ABCA8: variants seen among roughly 807,000 people sequenced by gnomAD.
ABCA8 encodes ABC-type organic anion transporter ABCA8.
A neutral mutation model predicts 192.3 loss-of-function variants in ABCA8; 177 were observed. The ratio of observed to expected loss-of-function variants is 0.92; its 90% CI spans 0.81 to 1.04. ABCA8 has a LOEUF of 1.04. Among genes scored for constraint, ABCA8 ranks in the 50% least tolerant of loss-of-function variants. The pLI is 0.00. For synonymous variants in ABCA8, 642 were observed against 690.2 expected, an observed-to-expected ratio of 0.93 and a Z score of 1.09; for missense variants, 1,915 against 1,904.8, an observed-to-expected ratio of 1.01 and a Z score of -0.10.
intron 19 of ABCA8, among the ~76,000 whole-genome samples, chr17:68,904,653 A>G (rs1180512842): frequency 6.6e-6 from 1 of 152,218 alleles, no homozygotes; most frequent in East Asian, 1.9e-4. Flanking sequence ...GGGGTACCTA[A>G]GTCACAAAAC....
intron 26 of ABCA8, 112 bp from the exon 27 acceptor site, chr17:68,885,427 G>A: frequency 9.4e-7 from 1 of 1,062,844 alleles, no homozygotes; most frequent in South Asian, 1.7e-5. Flanking sequence ...TGCAAACCAA[G>A]CTGAAATCAG....
At chr17:68,896,486 G>A (rs893064656) in intron 21 of ABCA8, among the ~76,000 whole-genome samples, 4 of 151,968 alleles carry the variant, frequency 2.6e-5, no homozygotes, top group African/African-American at 9.7e-5. Context: ...GTTTTAAATC[G>A]CATGGTATTC....
chr17:68,884,971 A>C, intron 27 of ABCA8: 1 of 644,860 alleles, frequency 1.6e-6, no homozygotes, highest in Non-Finnish European at 1.9e-6. Flanking sequence ...GTTTCCCACT[A>C]CCCCTTACCC....
chr17:68,908,192 G>A (rs1192931875), intron 17 of ABCA8, among the ~76,000 whole-genome samples: 1 of 152,086 alleles, frequency 6.6e-6, no homozygotes, highest in East Asian at 1.9e-4. Flanking sequence ...GTCACAGAGT[G>A]GAAAATACCA....
chr17:68,902,755 G>C lies in ABCA8; in HGVS notation c.2722C>G (p.Pro908Ala), dbSNP rs1468292400. The C allele has an allele frequency of 6.2e-7, 1 of 1,613,612 alleles. No individual in the cohort carries two copies. The highest frequency in any genetic ancestry group is 8.5e-7 in the Non-Finnish European group (1 of 1,179,708). The change falls in exon 21 of 40, where the codon CCA (proline) becomes GCA (alanine). Residue 908 changes from proline (P) to alanine (A), a missense_variant. By Grantham distance (27) the Pro-to-Ala change is conservative. Coordinates refer to ENST00000586539, the MANE Select transcript of ABCA8 (RefSeq NM_001288985.2). ...HLYFLAPGQQ[P>A]HDPLTQLLII... ...AGTAGTTGAGTGAGAGGGTCATGTG[G>C]TTGTTGTCCAGGAGCAAGGAAATAC... is the stretch of plus-strand genomic sequence containing the variant.
At chr17:68,917,051 C>T (rs2067388325) in intron 17 of ABCA8, among the ~76,000 whole-genome samples, 1 of 151,990 alleles carries the variant, frequency 6.6e-6, no homozygotes, top group South Asian at 2.1e-4. Context: ...GGGCGGATCA[C>T]GAGGTCAGGA....
At chr17:68,918,227 T>C in intron 15 of ABCA8, 42 bp from the exon 16 acceptor site, 1 of 1,609,248 alleles carries the variant, frequency 6.2e-7, no homozygotes, top group Non-Finnish European at 8.5e-7. Flanking sequence ...TCCTCAAAGG[T>C]GAAGTTCTTC....
At chr17:68,900,949 G>C (rs2066894108) in intron 21 of ABCA8, among the ~76,000 whole-genome samples, 1 of 151,594 alleles carries the variant, frequency 6.6e-6, no homozygotes, top group Non-Finnish European at 1.5e-5. Flanking sequence ...CACTTCAGCA[G>C]TATTCTTTGT....
At chr17:68,924,511 G>A (rs182123916) in intron 11 of ABCA8, among the ~76,000 whole-genome samples, 190 bp downstream of exon 11, 194 of 152,164 alleles carry the variant, frequency 1.3e-3, no homozygotes, top group Non-Finnish European at 1.6e-3. Flanking sequence ...TGTAAATGTC[G>A]ACAATGTTAG....
chr17:68,877,725 CTTT>C (rs757353167), intron 32 of ABCA8, 46 bp from the exon 33 acceptor site: 1 of 1,545,446 alleles, frequency 6.5e-7, no homozygotes, highest in African/African-American at 1.4e-5. Context: ...TGCACTGCTT[CTTT>C]GAGTATTTCC....
chr17:68,941,032 T>C (rs2068215676), intron 3 of ABCA8, 70 bp from the exon 4 acceptor site: 6 of 1,289,758 alleles, frequency 4.7e-6, no homozygotes, highest in Non-Finnish European at 6.5e-6. Context: ...CATTTTGTCA[T>C]AAAGTTTGCC....
Position 68,933,194 on chromosome 17 carries a change from C to T in ABCA8, c.544G>A (p.Ala182Thr), listed in dbSNP as rs745682047. 145 of 1,612,650 alleles carry T rather than the reference C, an allele frequency of 9.0e-5. No homozygotes were observed. The highest frequency in any genetic ancestry group is 1.2e-4 in the Non-Finnish European group (138 of 1,179,244). ...FWKEGFVALQ[A>T]AINAAIIEIT... is the part of the protein sequence containing the mutation. ...TCTATAATAGCAGCATTAATGGCAG[C>T]TTGAAGAGCCACAAAACCTTCCTTC... Residue 182 changes from alanine (A) to threonine (T), a missense_variant, in exon 6 of 40, where the codon GCT becomes ACT. By Grantham distance (58) the Ala-to-Thr change is moderately conservative (BLOSUM62 0). Coordinates refer to ENST00000586539, the MANE Select transcript of ABCA8 (RefSeq NM_001288985.2).
At chr17:68,878,972 A>G (rs1350074081) in intron 32 of ABCA8, 2 of 152,226 alleles carry the variant, frequency 1.3e-5, no homozygotes, top group Non-Finnish European at 2.9e-5. Context: ...TCTGTTCTGT[A>G]CTTCCCTTGG....
At chr17:68,901,536 G>A (rs1005389772) in intron 21 of ABCA8, among the ~76,000 whole-genome samples, 7 of 152,122 alleles carry the variant, frequency 4.6e-5, no homozygotes, top group Admixed American at 6.5e-5. Context: ...GGCCGGGCGC[G>A]GTGGCTCACG....
At chr17:68,937,790 A>G (rs1268220422) in intron 4 of ABCA8, among the ~76,000 whole-genome samples, 1 of 152,184 alleles carries the variant, frequency 6.6e-6, no homozygotes, top group African/African-American at 2.4e-5. Context: ...TGTCATCATG[A>G]GCAAATTCCT....
At chr17:68,886,853 T>C (rs190208280) in intron 26 of ABCA8, 164 bp downstream of exon 26, 216 of 384,286 alleles carry the variant, frequency 5.6e-4, no homozygotes, top group African/African-American at 4.1e-3. Flanking sequence ...TTAGGGACTT[T>C]GGTGAAGTAA....
At chr17:68,909,528 T>C (rs1164900228) in intron 17 of ABCA8, among the ~76,000 whole-genome samples, 2 of 152,214 alleles carry the variant, frequency 1.3e-5, no homozygotes, top group Non-Finnish European at 2.9e-5. Flanking sequence ...CTTTTTATTT[T>C]GAAAACATGT....
chr17:68,877,399 C>T (rs997984570), intron 33 of ABCA8, 120 bp downstream of exon 33: 1 of 839,802 alleles, frequency 1.2e-6, no homozygotes, highest in Non-Finnish European at 1.8e-6. Flanking sequence ...TGTAAATCTA[C>T]CCAGTGTGAC....
chr17:68,903,267 TAAAA>T, intron 20 of ABCA8, 30 bp downstream of exon 20: 1 of 1,609,530 alleles, frequency 6.2e-7, no homozygotes. Context: ...CGCATTGACT[TAAAA>T]AGAAAACCTA....
Sources: gnomAD v4.1 joint callset for allele counts (sites outside exome capture counted in the v4.1 genomes callset) on GRCh38, gnomAD v4.1.1 for gene constraint, MANE v1.5 for transcripts, NCBI Gene and HGNC (gene_info 2026-07-23, HGNC 2026-07-21) for gene names.